Variants in FLVCR1 observed in about 807,000 individuals in gnomAD.
FLVCR1 encodes FLVCR choline and heme transporter 1, also known as choline/ethanolamine transporter FLVCR1.
Under a neutral mutation model 53.6 loss-of-function variants are expected in FLVCR1, and 34 were observed. The observed-to-expected ratio is 0.63, with a 90% CI of 0.48 to 0.84. The LOEUF (loss-of-function observed/expected upper bound fraction) is 0.84. FLVCR1 is among the 40% of genes least tolerant of loss of function. FLVCR1 has a pLI of 0.00. For missense variants in FLVCR1, 677 were observed against 696.7 expected (o/e 0.97, Z 0.32); for synonymous variants, 300 against 286.3 (o/e 1.05, Z -0.48).
chr1:212,865,981 G>GTTTTTTT lies in FLVCR1; in HGVS notation c.883+2127_883+2133dup, dbSNP rs1319691717. 2.2e-3 allele frequency among the ~76,000 whole-genome samples: 89 copies of GTTTTTTT among 41,276 alleles called. 1 individual carries two copies. In the East Asian group the frequency reaches 0.038, roughly 18 times the overall value. 27.1% of individuals were successfully genotyped at this position (41,276 alleles called of 152,430 possible). ...GCATTTGGCTAATTTTTGGGGTTTG[G>GTTTTTTT]TTTTTTTTTTTTTTTTTTTTTGAGA... is the stretch of plus-strand genomic sequence containing the variant. On this transcript the variant is annotated intron_variant, in intron 2 of 9. Transcript: ENST00000366971.
At chr1:212,863,931 A>C in intron 2 of FLVCR1, 62 bp downstream of exon 2, 2 of 1,419,862 alleles carry the variant, frequency 1.4e-6, no homozygotes, top group Non-Finnish European at 2.0e-6. Flanking sequence ...AGAATAACTA[A>C]CTCTGGAAAT....
Position 212,863,651 on chromosome 1 carries a change from ATGTTCTGTTAAT to A in FLVCR1, c.739-71_739-60del, listed in dbSNP as rs1664317114. On this transcript the variant is annotated intron_variant, in intron 1 of 9. Coordinates refer to ENST00000366971, the MANE Select transcript of FLVCR1 (RefSeq NM_014053.4). ...TTTATAAACACTAGCTGTCCTCTTT[ATGTTCTGTTAAT>A]TGCCAGCATTTACTTTTTTCTCTAA... 9 of 1,295,082 alleles carry A rather than the reference ATGTTCTGTTAAT, an allele frequency of 6.9e-6. No homozygotes were observed. In the South Asian group the frequency reaches 9.5e-5, roughly 14 times the overall value. 80.2% of individuals were successfully genotyped at this position (1,295,082 alleles called of 1,614,324 possible).
rs5780703 is a variant in FLVCR1, at chr1:212,886,042, C to CTTTTTTTT, written c.1196+657_1196+664dup. ...GACTTTTGATAGACTTTATCTTGTT[C>CTTTTTTTT]TTTTTTTTTTTTTTTTTTAGGTGGG... On this transcript the variant is annotated intron_variant, in intron 5 of 9. Transcript: ENST00000366971. Among the ~76,000 whole-genome samples the CTTTTTTTT allele has an allele frequency of 4.9e-4, 59 of 121,110 alleles. 4 individuals are homozygous for CTTTTTTTT. Among genetic ancestry groups the CTTTTTTTT allele is most frequent in the African/African-American group, 1.2e-3 (37 of 31,002 alleles). 79.5% of individuals were successfully genotyped at this position (121,110 alleles called of 152,430 possible).
At chr1:212,871,333 A>G (rs1232912846) in intron 2 of FLVCR1, among the ~76,000 whole-genome samples, 1 of 152,190 alleles carries the variant, frequency 6.6e-6, no homozygotes, top group Non-Finnish European at 1.5e-5. Flanking sequence ...GAGTCAATAC[A>G]AAGTCTAGAT....
chr1:212,872,894 G>A (rs1890932), intron 3 of FLVCR1, 76 bp downstream of exon 3: 337,856 of 1,535,680 alleles, frequency 0.22, 42,933 homozygotes, highest in Admixed American at 0.51. Context: ...ATTTAACCTA[G>A]TGGTTTGAAC....
In FLVCR1 at chr1:212,858,504, C is replaced by G. The variant is rs1177486939; in HGVS notation, c.52C>G (p.Leu18Val). ...GGCGGCGGTGGCGCCCGGACACCCGCTCGCGAAAGGATACCTCCCGTTGCC... is the reference window on the plus strand; with the variant it reads ...GGCGGCGGTGGCGCCCGGACACCCGGTCGCGAAAGGATACCTCCCGTTGCC... The part of the protein sequence containing the change: ...EGAAVAPGHP[L>V]AKGYLPLPRG... Residue 18 changes from leucine (L) to valine (V), a missense_variant, in exon 1 of 10, where the codon CTC becomes GTC. Leu to Val is a conservative substitution (Grantham distance 32, BLOSUM62 1). Coordinates refer to ENST00000366971, the MANE Select transcript of FLVCR1 (RefSeq NM_014053.4). The G allele has an allele frequency of 6.9e-7, 1 of 1,448,114 alleles. No homozygotes were observed. The highest frequency in any genetic ancestry group is 9.1e-7 in the Non-Finnish European group (1 of 1,103,826). The allele number at this position is 1,448,114 out of a possible 1,614,324, so 89.7% of individuals were successfully genotyped here. A position where few individuals can be genotyped will look rare whatever the true frequency, so the allele number is the denominator to read the frequency against.
Position 212,895,607 on chromosome 1 carries a change from T to A in FLVCR1, c.*317T>A. On this transcript the variant is annotated 3_prime_UTR_variant, in exon 10 of 10. Coordinates refer to ENST00000366971, the MANE Select transcript of FLVCR1 (RefSeq NM_014053.4). ...TTTAAAAGTCGATGTTTTTCTTTTT[T>A]GTAGAAAATGGAAGCTTAGAATACT... The A allele has an allele frequency of 5.5e-6, 2 of 360,418 alleles. No individual in the cohort carries two copies. The highest frequency in any genetic ancestry group is 8.7e-5 in the Admixed American group (2 of 22,940). 22.3% of individuals were successfully genotyped at this position (360,418 alleles called of 1,614,324 possible).
At chr1:212,880,875 G>T (rs1664901111) in intron 3 of FLVCR1, among the ~76,000 whole-genome samples, 1 of 151,422 alleles carries the variant, frequency 6.6e-6, no homozygotes, top group Admixed American at 6.6e-5. Context: ...TGCTAAAACT[G>T]CATGTCCAGT....
At chr1:212,865,514 G>A (rs1228449048) in intron 2 of FLVCR1, among the ~76,000 whole-genome samples, 1 of 132,386 alleles carries the variant, frequency 7.6e-6, no homozygotes, top group East Asian at 2.2e-4. Context: ...ACAGAGTCTC[G>A]CTCTGTCACC....
rs912963443 is a variant in FLVCR1, at chr1:212,883,504, G to C, written c.1092+66G>C. 3 of 822,928 alleles carry C rather than the reference G, an allele frequency of 3.6e-6. No homozygotes were observed. In the South Asian group the frequency reaches 4.2e-5, roughly 11 times the overall value. The allele number at this position is 822,928 out of a possible 1,614,324, so 51.0% of individuals were successfully genotyped here. A position where few individuals can be genotyped will look rare whatever the true frequency, so the allele number is the denominator to read the frequency against. On this transcript the variant is annotated intron_variant, in intron 4 of 9. Transcript: ENST00000366971. ...ATTTTTCTTTAGCAATATAATTGTC[G>C]TTAGCAGGGTCATGAGATTAAGGGT... is the stretch of plus-strand genomic sequence containing the variant.
intron 4 of FLVCR1, 55 bp downstream of exon 4, chr1:212,883,493 A>G (rs1292441962): frequency 6.2e-6 from 6 of 961,664 alleles, no homozygotes; most frequent in Admixed American, 1.8e-5. Context: ...TTCTTTAGCA[A>G]TATAATTGTC....
chr1:212,867,009 C>T (rs574576058), intron 2 of FLVCR1, among the ~76,000 whole-genome samples: 9 of 152,312 alleles, frequency 5.9e-5, no homozygotes, highest in African/African-American at 2.2e-4. Flanking sequence ...AAATAAAGTT[C>T]CTTAATTACT....
Position 212,858,333 on chromosome 1 carries a change from G to A in FLVCR1, c.-120G>A, listed in dbSNP as rs1664083728. The A allele has an allele frequency of 9.0e-6, 9 of 1,002,348 alleles. No homozygotes were observed. The South Asian group carries it at 1.5e-4, about 17-fold the overall frequency. The allele number at this position is 1,002,348 out of a possible 1,614,324, so 62.1% of individuals were successfully genotyped here. A position where few individuals can be genotyped will look rare whatever the true frequency, so the allele number is the denominator to read the frequency against. ...GCGGTTCGCGGCGCGCGCCACCGGG[G>A]AAGGAGCGGTGGGCCGAGGGGTTGG... On this transcript the variant is annotated 5_prime_UTR_variant, in exon 1 of 10. Transcript: ENST00000366971.
rs181611212 is a variant in FLVCR1 at position 212,874,807 on chromosome 1, G to A, written c.1024+1989G>A. Among the ~76,000 whole-genome samples, 493 of 152,026 alleles carry A rather than the reference G, an allele frequency of 3.2e-3. 2 individuals are homozygous for A. The highest frequency in any genetic ancestry group is 0.011 in the African/African-American group (442 of 41,484). ...CTCCCAAAATGTTGGGATTACAGGC[G>A]TGAGCCACTGCATCCGGCCTGGCTT... On this transcript the variant is annotated intron_variant, in intron 3 of 9. Coordinates refer to ENST00000366971, the MANE Select transcript of FLVCR1 (RefSeq NM_014053.4).
intron 3 of FLVCR1, among the ~76,000 whole-genome samples, chr1:212,876,960 A>G (rs1201130504): frequency 6.6e-6 from 1 of 152,134 alleles, no homozygotes; most frequent in Non-Finnish European, 1.5e-5. Flanking sequence ...CCAGCAGTGT[A>G]AAAGTGTTCC....
intron 4 of FLVCR1, among the ~76,000 whole-genome samples, chr1:212,883,639 C>T (rs1016352321): frequency 5.9e-5 from 9 of 152,166 alleles, no homozygotes; most frequent in East Asian, 3.9e-4. Context: ...ATTATCAATT[C>T]GTTTATTGGA....
At chr1:212,874,784 C>T (rs1348194949) in intron 3 of FLVCR1, among the ~76,000 whole-genome samples, 4 of 151,976 alleles carry the variant, frequency 2.6e-5, no homozygotes, top group Non-Finnish European at 4.4e-5. Context: ...ACCTTGGCCT[C>T]CCAAAATGTT....
At chr1:212,889,095 G>T (rs1665127408) in intron 7 of FLVCR1, 51 bp from the exon 8 acceptor site, 1 of 1,287,896 alleles carries the variant, frequency 7.8e-7, no homozygotes, top group South Asian at 1.2e-5. Context: ...CTTTATACTT[G>T]CTTTAAATAA....
At position 212,898,541 on chromosome 1, in the gene FLVCR1, T is replaced by C. The variant is rs542890449; in HGVS notation, c.*3251T>C. The C allele has an allele frequency of 6.6e-6, 1 of 152,190 alleles. No homozygotes were observed. Among genetic ancestry groups the C allele is most frequent in the South Asian group, 2.1e-4 (1 of 4,832 alleles). The allele number at this position is 152,190 out of a possible 1,614,324, so 9.4% of individuals were successfully genotyped here. On this transcript the variant is annotated 3_prime_UTR_variant, in exon 10 of 10. Transcript: ENST00000366971. ...TTTATTTCTGAAAAGCATATACATATATGTTATGTTTATTTTTCCTTGTTG... is the reference window on the plus strand; with the variant it reads ...TTTATTTCTGAAAAGCATATACATACATGTTATGTTTATTTTTCCTTGTTG...
Sources: gnomAD v4.1 joint callset for allele counts (sites outside exome capture counted in the v4.1 genomes callset) on GRCh38, gnomAD v4.1.1 for gene constraint, MANE v1.5 for transcripts, NCBI Gene and HGNC (gene_info 2026-07-23, HGNC 2026-07-21) for gene names.